ANKRD30B: variants seen among roughly 807,000 people sequenced by gnomAD.
ANKRD30B encodes ankyrin repeat domain 30B.
In ANKRD30B, 144 loss-of-function variants were observed where a neutral mutation model predicts 202.2. That is an observed-to-expected ratio of 0.71 (90% confidence interval 0.62 to 0.82). ANKRD30B has a LOEUF of 0.82. ANKRD30B is among the 40% of genes least tolerant of loss of function. The pLI is 0.00. For missense variants in ANKRD30B, 1,487 were observed against 1,669.1 expected, an observed-to-expected ratio of 0.89 and a Z score of 1.90; for synonymous variants, 508 against 561.3, an observed-to-expected ratio of 0.91 and a Z score of 1.34.
chr18:14,912,152 A>G, the ANKRD30B span, among the ~76,000 whole-genome samples: 1,842 of 152,296 alleles, frequency 0.012, 41 homozygotes, highest in African/African-American at 0.042. Flanking sequence ...ATTCAGTACT[A>G]TGTTGAGTAA....
At chr18:14,847,861 C>T (rs1428301851) in intron 39 of ANKRD30B, among the ~76,000 whole-genome samples, 1 of 151,950 alleles carries the variant, frequency 6.6e-6, no homozygotes, top group African/African-American at 2.4e-5. Flanking sequence ...ATAAGTTCCG[C>T]CCTGACCTGG....
the ANKRD30B span, among the ~76,000 whole-genome samples, chr18:14,931,920 T>A: frequency 1.9e-5 from 2 of 107,666 alleles, no homozygotes; most frequent in African/African-American, 3.3e-5. Flanking sequence ...CCCACCTCCC[T>A]CCTGCTCTGT....
chr18:14,824,802 G>A (rs1270371575), intron 32 of ANKRD30B, among the ~76,000 whole-genome samples: 1 of 152,170 alleles, frequency 6.6e-6, no homozygotes, highest in Non-Finnish European at 1.5e-5. Context: ...AATATATTAG[G>A]TGATGTGGTC....
intron 24 of ANKRD30B, 127 bp from the exon 25 acceptor site, chr18:14,808,424 C>A: frequency 9.6e-7 from 1 of 1,045,924 alleles, no homozygotes. Context: ...CAAAAGACCC[C>A]AAAACCTAGT....
chr18:14,811,503 G>A (rs1449835992), intron 28 of ANKRD30B, among the ~76,000 whole-genome samples: 14 of 150,072 alleles, frequency 9.3e-5, no homozygotes, highest in African/African-American at 3.4e-4. Flanking sequence ...GAGCCACCGC[G>A]CCCGGCCCAG....
intron 11 of ANKRD30B, among the ~76,000 whole-genome samples, chr18:14,782,082 G>A (rs1483680995): frequency 2.0e-5 from 3 of 152,188 alleles, no homozygotes; most frequent in Non-Finnish European, 4.4e-5. Context: ...GGCCTTCGAA[G>A]AAGTTTTGTG....
the ANKRD30B span, among the ~76,000 whole-genome samples, chr18:14,866,743 T>G: frequency 1.3e-5 from 2 of 151,610 alleles, no homozygotes; most frequent in African/African-American, 4.8e-5. Context: ...GGCTAGTGGG[T>G]GGCGCTATCG....
chr18:14,775,083 T>C (rs113450893), intron 9 of ANKRD30B, among the ~76,000 whole-genome samples: 4,468 of 152,254 alleles, frequency 0.029, 228 homozygotes, highest in African/African-American at 0.1. Context: ...GCCCAGATCA[T>C]GCCACTGCAC....
At chr18:14,867,518 C>A in the ANKRD30B span, among the ~76,000 whole-genome samples, 1 of 152,130 alleles carries the variant, frequency 6.6e-6, no homozygotes, top group Non-Finnish European at 1.5e-5. Context: ...CTGACCACCG[C>A]AGGGCCTTCG....
chr18:14,818,187 A>C (rs534917071), intron 30 of ANKRD30B, among the ~76,000 whole-genome samples: 1 of 152,286 alleles, frequency 6.6e-6, no homozygotes, highest in Admixed American at 6.5e-5. Context: ...CTTTTTCATA[A>C]CAGTGTTTTA....
intron 15 of ANKRD30B, among the ~76,000 whole-genome samples, chr18:14,791,178 TA>T (rs1448714145): frequency 6.6e-6 from 1 of 152,182 alleles, no homozygotes; most frequent in Non-Finnish European, 1.5e-5. Context: ...TTTATTTGTG[TA>T]GAGGTGTTTA....
At chr18:14,864,589 C>T in the ANKRD30B span, among the ~76,000 whole-genome samples, 1 of 151,864 alleles carries the variant, frequency 6.6e-6, no homozygotes, top group East Asian at 2.0e-4. Flanking sequence ...ATTTTCCCCA[C>T]CCATCTACCC....
the ANKRD30B span, among the ~76,000 whole-genome samples, chr18:14,876,283 C>T: frequency 2.0e-5 from 3 of 152,124 alleles, no homozygotes; most frequent in African/African-American, 4.8e-5. Context: ...TTCCTCTTCT[C>T]TCCTGCAAGG....
At position 14,840,644 on chromosome 18, in the gene ANKRD30B, AAAAGAAAT is replaced by A. The variant is rs1172133889; in HGVS notation, c.3051_3058del (p.Glu1017AspfsTer11). On this transcript the variant is annotated frameshift_variant, in exon 37 of 44. Coordinates refer to ENST00000690538, the MANE Select transcript of ANKRD30B (RefSeq NM_001367607.2). LOFTEE classifies it high-confidence loss of function. ...AGTGTTTACCTGAGGCTACATATCA[AAAAGAAAT>A]AAAGACAACAAATGGCAAAATAGAA... 1 of 1,537,082 alleles carries A rather than the reference AAAAGAAAT, an allele frequency of 6.5e-7. No homozygotes were observed. The highest frequency in any genetic ancestry group is 2.5e-5 in the East Asian group (1 of 40,650).
chr18:14,777,830 C>T (rs1000878533), intron 9 of ANKRD30B, among the ~76,000 whole-genome samples, 155 bp from the exon 10 acceptor site: 1 of 151,742 alleles, frequency 6.6e-6, no homozygotes, highest in African/African-American at 2.4e-5. Flanking sequence ...GTAGTCCCAG[C>T]TACTCAGGAG....
At chr18:14,855,209 G>A (rs1367745796), downstream of ANKRD30B, among the ~76,000 whole-genome samples, 2 of 152,326 alleles carry the variant, frequency 1.3e-5, no homozygotes, top group South Asian at 2.1e-4. Context: ...GTTTCAGAGA[G>A]CACGGGGTTG....
the ANKRD30B span, among the ~76,000 whole-genome samples, chr18:14,908,374 C>A: frequency 6.6e-6 from 1 of 152,202 alleles, no homozygotes; most frequent in Non-Finnish European, 1.5e-5. Context: ...GGGACTCTTT[C>A]TGTCTGCAGG....
At chr18:14,899,990 C>T in the ANKRD30B span, among the ~76,000 whole-genome samples, 1 of 152,072 alleles carries the variant, frequency 6.6e-6, no homozygotes, top group Admixed American at 6.5e-5. Context: ...TTCTAAATTC[C>T]AGGCATTCAT....
intron 34 of ANKRD30B, 89 bp downstream of exon 34, chr18:14,831,544 A>G: frequency 3.4e-6 from 2 of 584,928 alleles, no homozygotes; most frequent in Non-Finnish European, 5.9e-6. Flanking sequence ...TGGTGTATGT[A>G]TCATAATTTC....
Sources: allele counts gnomAD v4.1 joint callset (sites outside exome capture counted in the v4.1 genomes callset), GRCh38; gene constraint gnomAD v4.1.1; transcripts MANE v1.5; gene names NCBI Gene and HGNC (gene_info 2026-07-23, HGNC 2026-07-21).